Variants in TBCD observed in about 807,000 individuals in gnomAD.
TBCD encodes tubulin folding cofactor D.
Under a neutral mutation model 169.3 loss-of-function variants are expected in TBCD, and 105 were observed. The ratio of observed to expected loss-of-function variants is 0.62; its 90% CI spans 0.53 to 0.73. The LOEUF is 0.73. TBCD is among the 30% of genes least tolerant of loss of function. The pLI, the probability that TBCD is intolerant of heterozygous loss-of-function variation, is 0.00. For synonymous variants in TBCD, 700 were observed against 643.9 expected (o/e 1.09, Z -1.32); for missense variants, 1,444 against 1,600.1 (o/e 0.90, Z 1.66).
chr17:82,812,252 C>T (rs958215738), intron 12 of TBCD, among the ~76,000 whole-genome samples: 1 of 152,176 alleles, frequency 6.6e-6, no homozygotes, highest in Non-Finnish European at 1.5e-5. Context: ...CTGACTTGCC[C>T]GAGGGCATCT....
intron 6 of TBCD, among the ~76,000 whole-genome samples, chr17:82,778,887 C>G (rs1453225965): frequency 1.3e-5 from 2 of 152,174 alleles, no homozygotes; most frequent in East Asian, 3.8e-4. Flanking sequence ...GTCTCAAACT[C>G]CTGACCTCAG....
rs569088147 is a variant in TBCD at position 82,760,550 on chromosome 17, T to C, written c.236-3415T>C. ...CTAACTAGTTATTGCTGATGTCTAG[T>C]GAAGATATGTTTTGTATACTGTTTT... is the stretch of plus-strand genomic sequence containing the variant. On this transcript the variant is annotated intron_variant, in intron 2 of 38. Transcript: ENST00000355528. 3.1e-3 allele frequency among the ~76,000 whole-genome samples: 471 copies of C among 152,348 alleles called. 4 individuals carry two copies. Among genetic ancestry groups the C allele is most frequent in the African/African-American group, 0.011 (448 of 41,572 alleles).
rs2060014946 is a variant in TBCD at position 82,903,316 on chromosome 17, G to A, written c.1731-89G>A. The A allele has an allele frequency of 6.2e-6, 8 of 1,280,572 alleles. No homozygotes were observed. Among genetic ancestry groups the A allele is most frequent in the Admixed American group, 4.0e-5 (2 of 49,744 alleles). The allele number at this position is 1,280,572 out of a possible 1,614,324, so 79.3% of individuals were successfully genotyped here. A position where few individuals can be genotyped will look rare whatever the true frequency, so the allele number is the denominator to read the frequency against. On this transcript the variant is annotated intron_variant, in intron 18 of 38. Coordinates refer to ENST00000355528, the MANE Select transcript of TBCD (RefSeq NM_005993.5). This position sits in a 1 kb window ranked among gnomAD's most constrained non-coding sequence, Gnocchi z 4.8. ...GCTAAGTGGCCGGTTGAGGACTCGT[G>A]TGTTGTCTCCCTCACTTTCTTTTTA...
chr17:82,811,687 C>T (rs1016302918), intron 12 of TBCD, among the ~76,000 whole-genome samples: 1 of 152,120 alleles, frequency 6.6e-6, no homozygotes, highest in Non-Finnish European at 1.5e-5. Context: ...TCGCTGGGTG[C>T]TCAGCATGTG....
chr17:82,834,005 C>T (rs1442677995), intron 13 of TBCD, among the ~76,000 whole-genome samples: 2 of 151,758 alleles, frequency 1.3e-5, no homozygotes, highest in East Asian at 1.9e-4. Context: ...AGTGCCATGG[C>T]GCAATCTCAG....
At chr17:82,911,737 G>T (rs749397118) in intron 22 of TBCD, 21 bp from the exon 23 acceptor site, 1 of 1,613,332 alleles carries the variant, frequency 6.2e-7, no homozygotes, top group East Asian at 2.2e-5. Flanking sequence ...TTCTAATTCT[G>T]ATGTTTTCAT....
chr17:82,911,729 C>G, intron 22 of TBCD, 29 bp from the exon 23 acceptor site: 1 of 1,612,448 alleles, frequency 6.2e-7, no homozygotes, highest in South Asian at 1.1e-5. Flanking sequence ...AGAGGTTCTT[C>G]TAATTCTGAT....
At chr17:82,871,637 C>T (rs2057564733) in intron 14 of TBCD, among the ~76,000 whole-genome samples, 1 of 152,260 alleles carries the variant, frequency 6.6e-6, no homozygotes, top group African/African-American at 2.4e-5. Flanking sequence ...CCTGGAAGTG[C>T]ACTGCTCCTT....
Position 82,797,816 on chromosome 17 carries a change from T to A in TBCD, c.817+14T>A. 6.4e-7 allele frequency: 1 copy of A among 1,569,646 alleles called. No individual in the cohort carries two copies. Among genetic ancestry groups the A allele is most frequent in the Non-Finnish European group, 8.6e-7 (1 of 1,163,834 alleles). On this transcript the variant is annotated intron_variant, in intron 8 of 38. Coordinates refer to ENST00000355528, the MANE Select transcript of TBCD (RefSeq NM_005993.5). ...GTTTGCCCTATGGTAAGGTTTATTT[T>A]TAAGAGACGATATCTTTGTGATGTG... is the stretch of plus-strand genomic sequence containing the variant.
At position 82,933,004 on chromosome 17, in the gene TBCD, C is replaced by T. The variant is rs567590844; in HGVS notation, c.3191+269C>T. 4.9e-4 allele frequency: 238 copies of T among 490,284 alleles called. 1 individual carries two copies. The South Asian group carries it at 4.9e-3, about 10-fold the overall frequency. 30.4% of individuals were successfully genotyped at this position (490,284 alleles called of 1,614,324 possible). On this transcript the variant is annotated intron_variant, in intron 34 of 38. Coordinates refer to ENST00000355528, the MANE Select transcript of TBCD (RefSeq NM_005993.5). The stretch of plus-strand genomic sequence containing the variant: ...GGGGGCCCTGCTGTGCACTCTCCCC[C>T]CAGCTATCCCACCGGGCCAGGGGTG...
In TBCD at chr17:82,874,188, G is replaced by A. The variant is rs1422860057; in HGVS notation, c.1475+3808G>A. Among the ~76,000 whole-genome samples, 1 of 152,178 alleles carries A rather than the reference G, an allele frequency of 6.6e-6. No homozygotes were observed. The highest frequency in any genetic ancestry group is 1.9e-4 in the East Asian group (1 of 5,178). ...GTTGGGGTGAGTGTGACTTCTGTCT[G>A]GGGCATGTTGGGTGGGCGTGCAAGG... is the stretch of plus-strand genomic sequence containing the variant. On this transcript the variant is annotated intron_variant, in intron 14 of 38. Coordinates refer to ENST00000355528, the MANE Select transcript of TBCD (RefSeq NM_005993.5). This position sits in a 1 kb window ranked among gnomAD's most constrained non-coding sequence, Gnocchi z 5.0.
At position 82,940,221 on chromosome 17, in the gene TBCD, G is replaced by GCGCACACACACACACACACA. The variant is rs1356825330; in HGVS notation, c.3479+746_3479+747insGCACACACACACACACACAC. 5.2e-4 allele frequency among the ~76,000 whole-genome samples: 69 copies of GCGCACACACACACACACACA among 131,806 alleles called. No homozygotes were observed. The East Asian group carries it at 8.4e-3, about 16-fold the overall frequency. The allele number at this position is 131,806 out of a possible 152,430, so 86.5% of individuals were successfully genotyped here. A position where few individuals can be genotyped will look rare whatever the true frequency, so the allele number is the denominator to read the frequency against. On this transcript the variant is annotated intron_variant, in intron 37 of 38. Transcript: ENST00000355528. ...CACACACATGCTCACTTGCACGCGC[G>GCGCACACACACACACACACA]CACACACACACACACACACACACAC...
At chr17:82,940,358 C>T (rs549389168) in intron 37 of TBCD, among the ~76,000 whole-genome samples, 1 of 152,320 alleles carries the variant, frequency 6.6e-6, no homozygotes, top group East Asian at 1.9e-4. Flanking sequence ...CCCAGGTGTC[C>T]TGCCTGTGGA....
At chr17:82,860,349 G>A in intron 13 of TBCD, 1 of 984,394 alleles carries the variant, frequency 1.0e-6, no homozygotes, top group Non-Finnish European at 1.2e-6. Flanking sequence ...CTTTCGCAGT[G>A]GTGGAGGGGC....
rs1255269489 is a variant in TBCD, at chr17:82,831,736, G to A, written c.1318+16802G>A. The A allele has an allele frequency of 1.2e-6, 2 of 1,614,148 alleles. No homozygotes were observed. The highest frequency in any genetic ancestry group is 2.2e-5 in the South Asian group (2 of 91,080). ...TGTGTAAAAGTGAGGCGGGTACTCT[G>A]GGATTGTGGGGTGCATGTAAGGGGA... On this transcript the variant is annotated intron_variant, in intron 13 of 38. Coordinates refer to ENST00000355528, the MANE Select transcript of TBCD (RefSeq NM_005993.5). This position sits in a 1 kb window ranked among gnomAD's most constrained non-coding sequence, Gnocchi z 4.6.
At chr17:82,928,036 G>A (rs751019224) in intron 30 of TBCD, 48 bp downstream of exon 30, 1 of 1,568,592 alleles carries the variant, frequency 6.4e-7, no homozygotes, top group Non-Finnish European at 8.7e-7. Context: ...GCAGCCCCGA[G>A]CTTGGGGAGG....
At position 82,832,877 on chromosome 17, in the gene TBCD, G is replaced by T. The variant is rs983741473; in HGVS notation, c.1318+17943G>T. ...GAGTCTGATCTGAAAGAGTCACCTC[G>T]GGGCCTAGAGGTGGAGTGTGGTGTG... On this transcript the variant is annotated intron_variant, in intron 13 of 38. Coordinates refer to ENST00000355528, the MANE Select transcript of TBCD (RefSeq NM_005993.5). The surrounding 1 kb of genome is among the most constrained non-coding windows in gnomAD (Gnocchi z 4.9). 1.3e-5 allele frequency among the ~76,000 whole-genome samples: 2 copies of T among 152,210 alleles called. No homozygotes were observed. The highest frequency in any genetic ancestry group is 6.5e-5 in the Admixed American group (1 of 15,286).
intron 20 of TBCD, 54 bp from the exon 21 acceptor site, chr17:82,907,707 C>T (rs375969441): frequency 1.9e-5 from 30 of 1,599,468 alleles, no homozygotes; most frequent in South Asian, 7.8e-5. Flanking sequence ...CGAGTGTACT[C>T]GGGGTTAGGG....
At chr17:82,808,539 G>T (rs2051170713) in intron 11 of TBCD, among the ~76,000 whole-genome samples, 1 of 132,492 alleles carries the variant, frequency 7.5e-6, no homozygotes, top group African/African-American at 2.9e-5. Flanking sequence ...GATGAGGCAG[G>T]TGGAGGGGTG....
Sources: gnomAD v4.1 joint callset for allele counts (sites outside exome capture counted in the v4.1 genomes callset) on GRCh38, gnomAD v4.1.1 for gene constraint, Gnocchi (gnomAD v3.1) non-coding constraint, MANE v1.5 for transcripts, NCBI Gene and HGNC (gene_info 2026-07-23, HGNC 2026-07-21) for gene names.